The following LRRC37A2 variants were observed in gnomAD, a reference collection of about 807,000 sequenced individuals.
LRRC37A2 encodes the protein leucine-rich repeat-containing protein 37A2.
In LRRC37A2, 9 loss-of-function variants were observed where a neutral mutation model predicts 68.8. That is an observed-to-expected ratio of 0.13 (90% CI 0.08 to 0.23). The LOEUF is 0.23. LRRC37A2 is among the 10% of genes least tolerant of loss of function. LRRC37A2 has a pLI of 1.00. For synonymous variants in LRRC37A2, 63 were observed against 367.6 expected, an observed-to-expected ratio of 0.17 and a Z score of 9.48; for missense variants, 168 against 950.4, an observed-to-expected ratio of 0.18 and a Z score of 10.82.
the LRRC37A2 span, chr17:46,832,935 T>C: frequency 5.0e-6 from 1 of 199,210 alleles, no homozygotes; most frequent in Non-Finnish European, 1.0e-5. Context: ...AGAAGGGAGC[T>C]GACAAGTCCC....
chr17:46,942,213 A>G, the LRRC37A2 span, among the ~76,000 whole-genome samples: 3 of 152,222 alleles, frequency 2.0e-5, no homozygotes, highest in Non-Finnish European at 4.4e-5. Context: ...AAGCAAAGAA[A>G]GAAACGTCAT....
At chr17:46,492,458 A>G in the LRRC37A2 span, among the ~76,000 whole-genome samples, 24 of 150,764 alleles carry the variant, frequency 1.6e-4, no homozygotes, top group Admixed American at 1.4e-3. Flanking sequence ...TGTGGCAGCT[A>G]TGAATAAAGC....
chr17:46,857,885 G>T, the LRRC37A2 span, among the ~76,000 whole-genome samples: 1 of 151,718 alleles, frequency 6.6e-6, no homozygotes, highest in Non-Finnish European at 1.5e-5. Flanking sequence ...TGGGTTATTT[G>T]TCTTCTTATT....
the LRRC37A2 span, among the ~76,000 whole-genome samples, chr17:46,959,035 C>G: frequency 6.6e-6 from 1 of 152,206 alleles, no homozygotes; most frequent in South Asian, 2.1e-4. Context: ...AGAAAGATAG[C>G]TGCATGCAAG....
chr17:46,816,802 C>T, the LRRC37A2 span, among the ~76,000 whole-genome samples: 1 of 152,232 alleles, frequency 6.6e-6, no homozygotes, highest in African/African-American at 2.4e-5. Context: ...TTCCTACCCT[C>T]CCCCAACCCA....
the LRRC37A2 span, among the ~76,000 whole-genome samples, chr17:47,014,393 A>G: frequency 2.0e-4 from 22 of 108,704 alleles, no homozygotes; most frequent in African/African-American, 7.3e-4. Context: ...CCATCTCGAG[A>G]AAAAAAAAAA....
the LRRC37A2 span, chr17:47,018,889 C>T: frequency 6.6e-7 from 1 of 1,519,312 alleles, no homozygotes; most frequent in East Asian, 2.3e-5. Flanking sequence ...CTTTCTCCAA[C>T]CATGAAGGAG....
the LRRC37A2 span, among the ~76,000 whole-genome samples, chr17:46,974,486 G>A: frequency 6.6e-6 from 1 of 152,196 alleles, no homozygotes; most frequent in Admixed American, 6.5e-5. Context: ...TGTAATCCCA[G>A]CACTTTGGGA....
intron 6 of LRRC37A2, among the ~76,000 whole-genome samples, chr17:46,534,267 G>A (rs1480016261): frequency 7.0e-6 from 1 of 143,018 alleles, no homozygotes; most frequent in Admixed American, 6.8e-5. Flanking sequence ...CAGGGTCATA[G>A]GACAATAGTG....
chr17:46,998,264 C>T, the LRRC37A2 span, among the ~76,000 whole-genome samples: 2 of 152,198 alleles, frequency 1.3e-5, no homozygotes, highest in African/African-American at 2.4e-5. Flanking sequence ...GAGAAGGCTA[C>T]GGGGTATGCT....
the LRRC37A2 span, among the ~76,000 whole-genome samples, chr17:46,985,412 C>T: frequency 6.6e-6 from 1 of 151,218 alleles, no homozygotes; most frequent in African/African-American, 2.4e-5. Context: ...CCCAGCTACT[C>T]AGGAGGCTGA....
chr17:46,936,765 T>G, the LRRC37A2 span: 2 of 983,342 alleles, frequency 2.0e-6, no homozygotes, highest in African/African-American at 3.5e-5. Context: ...TCTGATTGTA[T>G]TGTCACTATC....
the LRRC37A2 span, chr17:46,940,226 G>C: frequency 7.0e-7 from 1 of 1,420,054 alleles, no homozygotes; most frequent in East Asian, 2.5e-5. Flanking sequence ...GATTAACTGA[G>C]TTTCCTGGAT....
the LRRC37A2 span, among the ~76,000 whole-genome samples, chr17:46,799,219 G>A: frequency 6.6e-6 from 1 of 152,062 alleles, no homozygotes; most frequent in African/African-American, 2.4e-5. Context: ...TCTGCCACAT[G>A]CCTCCCCACC....
chr17:47,035,780 A>C, the LRRC37A2 span, among the ~76,000 whole-genome samples: 1 of 152,154 alleles, frequency 6.6e-6, no homozygotes, highest in Non-Finnish European at 1.5e-5. Flanking sequence ...TTCCATCTGC[A>C]GTGTTTGAGG....
the LRRC37A2 span, among the ~76,000 whole-genome samples, chr17:46,841,911 G>A: frequency 1.3e-5 from 2 of 152,346 alleles, no homozygotes; most frequent in East Asian, 3.9e-4. Flanking sequence ...GGGGGTCTCT[G>A]GTCCGCGAGA....
chr17:46,935,236 T>C, the LRRC37A2 span: 4 of 1,610,472 alleles, frequency 2.5e-6, no homozygotes, highest in Non-Finnish European at 3.4e-6. Context: ...GTTTAGTAAC[T>C]GTGTTTATAT....
chr17:46,887,239 G>C, the LRRC37A2 span, among the ~76,000 whole-genome samples: 29 of 152,296 alleles, frequency 1.9e-4, no homozygotes, highest in East Asian at 4.6e-3. Flanking sequence ...GAGGGATACT[G>C]TTTATGTTCC....
At chr17:46,800,523 C>G in the LRRC37A2 span, among the ~76,000 whole-genome samples, 1 of 149,286 alleles carries the variant, frequency 6.7e-6, no homozygotes, top group Non-Finnish European at 1.5e-5. Flanking sequence ...CTGACTCTTA[C>G]ACTGGGAAGA....
Sources: gnomAD v4.1 joint callset for allele counts (sites outside exome capture counted in the v4.1 genomes callset) on GRCh38, gnomAD v4.1.1 for gene constraint, MANE v1.5 for transcripts, NCBI Gene and HGNC (gene_info 2026-07-23, HGNC 2026-07-21) for gene names.